Variants in SGCD observed in about 807,000 individuals in gnomAD.
The protein encoded by SGCD is sarcoglycan delta.
Under a neutral mutation model 36.6 loss-of-function variants are expected in SGCD, and 18 were observed. The ratio of observed to expected loss-of-function variants is 0.49; its 90% CI spans 0.34 to 0.73. The LOEUF (loss-of-function observed/expected upper bound fraction) is 0.73, where lower values mean the gene tolerates loss of function less well. SGCD is among the 30% of genes least tolerant of loss of function. The pLI is 0.01. For synonymous variants in SGCD, 133 were observed against 130.6 expected (o/e 1.02, Z -0.12); for missense variants, 387 against 346.7 (o/e 1.12, Z -0.92).
At chr5:156,090,112 T>C (rs1234579419) in intron 1 of SGCD, among the ~76,000 whole-genome samples, 1 of 152,176 alleles carries the variant, frequency 6.6e-6, no homozygotes, top group Non-Finnish European at 1.5e-5. Flanking sequence ...GAGTCATCTT[T>C]CTGGTGTCCA....
At chr5:156,351,920 C>T (rs530860140) in intron 3 of SGCD, among the ~76,000 whole-genome samples, 29 of 152,260 alleles carry the variant, frequency 1.9e-4, no homozygotes, top group African/African-American at 6.5e-4. Context: ...ATTCCCAGCC[C>T]TAACTGGCCA....
chr5:155,894,433 G>A (rs763433210), intron 1 of SGCD, among the ~76,000 whole-genome samples: 1 of 152,086 alleles, frequency 6.6e-6, no homozygotes, highest in Non-Finnish European at 1.5e-5. Flanking sequence ...TTGAGATCAA[G>A]GGACTTCTGT....
intron 4 of SGCD, among the ~76,000 whole-genome samples, chr5:156,520,301 G>C (rs116407489): frequency 0.028 from 4,204 of 152,180 alleles, 95 homozygotes; most frequent in Non-Finnish European, 0.037. Context: ...TAGGAATACA[G>C]CTAACAAGAA....
At chr5:156,584,197 C>G (rs1011572206) in intron 4 of SGCD, among the ~76,000 whole-genome samples, 1 of 152,162 alleles carries the variant, frequency 6.6e-6, no homozygotes, top group Non-Finnish European at 1.5e-5. Flanking sequence ...ATACCAAGCT[C>G]TTTTTTGCAG....
At chr5:156,724,867 A>G (rs1399148963) in intron 7 of SGCD, among the ~76,000 whole-genome samples, 1 of 152,208 alleles carries the variant, frequency 6.6e-6, no homozygotes, top group Non-Finnish European at 1.5e-5. Flanking sequence ...CTCCTCTTAT[A>G]TATCCTCCAG....
At chr5:156,204,248 C>A (rs1764216264) in intron 3 of SGCD, among the ~76,000 whole-genome samples, 1 of 151,920 alleles carries the variant, frequency 6.6e-6, no homozygotes. Context: ...TATGGGGTGG[C>A]CAGCACAGAG....
At chr5:155,821,048 T>C in the SGCD span, among the ~76,000 whole-genome samples, 1 of 152,252 alleles carries the variant, frequency 6.6e-6, no homozygotes, top group East Asian at 1.9e-4. Context: ...AAATCTTAAC[T>C]TTTATTGGTA....
At chr5:156,443,682 C>G (rs534070591) in intron 3 of SGCD, among the ~76,000 whole-genome samples, 2 of 152,270 alleles carry the variant, frequency 1.3e-5, no homozygotes, top group South Asian at 4.2e-4. Flanking sequence ...ATATCCGACA[C>G]TAACTTGCTT....
intron 1 of SGCD, among the ~76,000 whole-genome samples, chr5:155,963,222 C>A (rs966632817): frequency 2.0e-5 from 3 of 152,040 alleles, no homozygotes; most frequent in Non-Finnish European, 4.4e-5. Flanking sequence ...CAATAAAAAG[C>A]TTTCTTAACT....
intron 3 of SGCD, among the ~76,000 whole-genome samples, chr5:156,209,615 G>T (rs553642346): frequency 6.6e-6 from 1 of 152,178 alleles, no homozygotes; most frequent in Non-Finnish European, 1.5e-5. Flanking sequence ...AATAAACCCA[G>T]GTTTCAAGAT....
At chr5:156,059,604 G>T (rs1484997461) in intron 1 of SGCD, among the ~76,000 whole-genome samples, 2 of 141,162 alleles carry the variant, frequency 1.4e-5, no homozygotes, top group Non-Finnish European at 3.1e-5. Flanking sequence ...GGCTTTGAAG[G>T]TAACACAGTT....
intron 3 of SGCD, among the ~76,000 whole-genome samples, chr5:156,292,596 A>G (rs1345306226): frequency 1.3e-5 from 2 of 152,066 alleles, no homozygotes; most frequent in African/African-American, 4.8e-5. Context: ...TCTGCTTTCC[A>G]TTATTTTTTG....
intron 3 of SGCD, among the ~76,000 whole-genome samples, chr5:156,267,931 T>G (rs1184247845): frequency 5.9e-5 from 9 of 152,154 alleles, no homozygotes; most frequent in Admixed American, 5.9e-4. Flanking sequence ...TATTTCATCA[T>G]CCAGGTATAA....
chr5:156,071,470 G>A (rs1258028177), intron 1 of SGCD, among the ~76,000 whole-genome samples: 1 of 152,116 alleles, frequency 6.6e-6, no homozygotes, highest in African/African-American at 2.4e-5. Context: ...CTGAGTTCTA[G>A]TTTGATTGCA....
intron 7 of SGCD, among the ~76,000 whole-genome samples, chr5:156,696,983 C>G (rs1323995002): frequency 2.6e-5 from 4 of 151,428 alleles, no homozygotes; most frequent in Non-Finnish European, 4.4e-5. Context: ...GAAAGACATC[C>G]TGGTTTCCAG....
At chr5:156,158,347 A>AG (rs1225202076) in intron 3 of SGCD, among the ~76,000 whole-genome samples, 1 of 151,674 alleles carries the variant, frequency 6.6e-6, no homozygotes, top group Non-Finnish European at 1.5e-5. Context: ...AATCAGCCAG[A>AG]GAAAAAAGTT....
chr5:156,672,903 C>G (rs73301193), intron 7 of SGCD, among the ~76,000 whole-genome samples: 4,015 of 152,190 alleles, frequency 0.026, 177 homozygotes, highest in African/African-American at 0.092. Context: ...CTACATTTTT[C>G]TAGATAATTC....
intron 7 of SGCD, among the ~76,000 whole-genome samples, chr5:156,731,968 T>C (rs534649377): frequency 1.3e-5 from 2 of 152,296 alleles, no homozygotes; most frequent in South Asian, 4.1e-4. Context: ...CTGTTGTTGG[T>C]ACATAGGAAT....
At chr5:156,360,918 G>C (rs1769756000) in intron 3 of SGCD, among the ~76,000 whole-genome samples, 1 of 152,052 alleles carries the variant, frequency 6.6e-6, no homozygotes, top group Non-Finnish European at 1.5e-5. Context: ...TACCCAGAAA[G>C]GCTGTCACAC....
Sources: gnomAD v4.1 joint callset for allele counts (sites outside exome capture counted in the v4.1 genomes callset) on GRCh38, gnomAD v4.1.1 for gene constraint, MANE v1.5 for transcripts, NCBI Gene and HGNC (gene_info 2026-07-23, HGNC 2026-07-21) for gene names.